Variants in NHSL1 observed in about 807,000 individuals in gnomAD.
NHSL1 encodes the protein NHS-like protein 1.
A neutral mutation model predicts 95.0 loss-of-function variants in NHSL1; 48 were observed. The observed-to-expected ratio is 0.51, with a 90% confidence interval of 0.40 to 0.64. The LOEUF (loss-of-function observed/expected upper bound fraction) is 0.64, where lower values mean the gene tolerates loss of function less well. Ranked by LOEUF, NHSL1 falls within the 30% of genes least tolerant of loss-of-function variation. The pLI, the probability that NHSL1 is intolerant of heterozygous loss-of-function variation, is 0.00. For missense variants in NHSL1, 1,971 were observed against 2,077.7 expected (o/e 0.95, Z 1.00); for synonymous variants, 783 against 833.9 (o/e 0.94, Z 1.05).
At chr6:138,648,299 A>G (rs1562401828) in intron 1 of NHSL1, among the ~76,000 whole-genome samples, 1 of 151,958 alleles carries the variant, frequency 6.6e-6, no homozygotes, top group Non-Finnish European at 1.5e-5. Flanking sequence ...ACAGCTATAG[A>G]CAATCATAAA....
chr6:138,648,352 G>GAAAAA lies in NHSL1; in HGVS notation c.96+44119_96+44123dup, dbSNP rs58429767. ...GTTTTAATAAAACTTTACGGACACT[G>GAAAAA]AAAAAAAAAAAAAAACAATGGATTG... On this transcript the variant is annotated intron_variant, in intron 1 of 3. Transcript: ENST00000491526. 6.0e-5 allele frequency among the ~76,000 whole-genome samples: 8 copies of GAAAAA among 134,048 alleles called. No individual in the cohort carries two copies. The South Asian group carries it at 1.4e-3, about 24-fold the overall frequency. The allele number at this position is 134,048 out of a possible 152,430, so 87.9% of individuals were successfully genotyped here.
At chr6:138,683,538 A>C (rs1262161732) in intron 1 of NHSL1, among the ~76,000 whole-genome samples, 3 of 152,252 alleles carry the variant, frequency 2.0e-5, no homozygotes, top group African/African-American at 7.2e-5. Flanking sequence ...AGAGGTTTCT[A>C]AACAAAGAGA....
At chr6:138,603,664 T>C (rs762253695) in intron 1 of NHSL1, among the ~76,000 whole-genome samples, 2 of 152,202 alleles carry the variant, frequency 1.3e-5, no homozygotes, top group African/African-American at 2.4e-5. Flanking sequence ...CAGACTTATT[T>C]TAGTCCAAAC....
chr6:138,626,893 CAAAAAAAA>C (rs71009593), intron 1 of NHSL1, among the ~76,000 whole-genome samples: 5 of 7,772 alleles, frequency 6.4e-4, no homozygotes, highest in African/African-American at 1.7e-3. Flanking sequence ...GACTCCGTCT[CAAAAAAAA>C]AAAAAAAAAA....
chr6:138,626,439 T>G (rs577899793), intron 1 of NHSL1, among the ~76,000 whole-genome samples: 2 of 152,358 alleles, frequency 1.3e-5, no homozygotes, highest in Admixed American at 6.5e-5. Context: ...GACTTTTCTC[T>G]GTGACGGCAT....
chr6:138,638,419 T>C (rs918773161), intron 1 of NHSL1, among the ~76,000 whole-genome samples: 11 of 152,160 alleles, frequency 7.2e-5, no homozygotes, highest in African/African-American at 2.7e-4. Flanking sequence ...TTATTATGCA[T>C]AGCATGCCTG....
chr6:138,611,695 G>A (rs939348695), intron 1 of NHSL1, among the ~76,000 whole-genome samples: 11 of 151,724 alleles, frequency 7.3e-5, no homozygotes, highest in Non-Finnish European at 1.5e-5. Flanking sequence ...GCAGTGAGCT[G>A]AGATCACGCC....
At chr6:138,500,361 A>G (rs1165331837), upstream of NHSL1, among the ~76,000 whole-genome samples, 2 of 152,244 alleles carry the variant, frequency 1.3e-5, no homozygotes, top group African/African-American at 4.8e-5. Flanking sequence ...GAGAAATCAG[A>G]AACAGAGTAT....
chr6:138,513,168 A>G (rs1326573854), intron 1 of NHSL1, among the ~76,000 whole-genome samples: 1 of 152,232 alleles, frequency 6.6e-6, no homozygotes, highest in Non-Finnish European at 1.5e-5. Flanking sequence ...CTGTTGTGAA[A>G]ATGGATACAA....
intron 1 of NHSL1, among the ~76,000 whole-genome samples, chr6:138,606,063 G>A (rs1401111135): frequency 2.0e-5 from 3 of 151,948 alleles, no homozygotes; most frequent in African/African-American, 4.8e-5. Context: ...TGGATGAAGG[G>A]GCTTCACAAA....
chr6:138,469,428 G>T (rs987386068), intron 3 of NHSL1, among the ~76,000 whole-genome samples: 1 of 152,088 alleles, frequency 6.6e-6, no homozygotes, highest in African/African-American at 2.4e-5. Context: ...ACTTTATATA[G>T]TTAAGAAGAA....
chr6:138,622,591 A>G (rs1784680768), intron 1 of NHSL1, among the ~76,000 whole-genome samples: 1 of 152,208 alleles, frequency 6.6e-6, no homozygotes, highest in Non-Finnish European at 1.5e-5. Flanking sequence ...GCAAGTATGG[A>G]CCAAAGATAA....
intron 1 of NHSL1, among the ~76,000 whole-genome samples, chr6:138,562,401 C>T (rs934904876): frequency 7.2e-5 from 11 of 152,114 alleles, no homozygotes; most frequent in Non-Finnish European, 1.3e-4. Flanking sequence ...AATCCCAGCA[C>T]TTTGGGAGGC....
At chr6:138,445,327 C>T (rs969711969) in intron 4 of NHSL1, among the ~76,000 whole-genome samples, 2 of 152,062 alleles carry the variant, frequency 1.3e-5, no homozygotes, top group Admixed American at 6.5e-5. Flanking sequence ...TAATGTAATT[C>T]ATTTTCTTAT....
chr6:138,526,302 G>A (rs924045603), intron 1 of NHSL1, among the ~76,000 whole-genome samples: 2 of 152,092 alleles, frequency 1.3e-5, no homozygotes, highest in African/African-American at 4.8e-5. Context: ...GGGCAACATG[G>A]CAAACCTCTG....
At chr6:138,475,335 A>G (rs963639976) in intron 2 of NHSL1, among the ~76,000 whole-genome samples, 1 of 151,876 alleles carries the variant, frequency 6.6e-6, no homozygotes, top group African/African-American at 2.4e-5. Context: ...TGATCCTGCC[A>G]CCTCAGCTTC....
intron 3 of NHSL1, among the ~76,000 whole-genome samples, chr6:138,457,912 G>T (rs1777723163): frequency 6.6e-6 from 1 of 151,724 alleles, no homozygotes; most frequent in African/African-American, 2.4e-5. Flanking sequence ...GGAGGCTGAG[G>T]CAGGAGAATC....
intron 5 of NHSL1, 36 bp downstream of exon 5, chr6:138,441,947 T>C: frequency 2.0e-6 from 3 of 1,528,766 alleles, no homozygotes; most frequent in Non-Finnish European, 2.6e-6. Flanking sequence ...CGAGCAGCAG[T>C]GAAGGGCAAC....
intron 2 of NHSL1, among the ~76,000 whole-genome samples, chr6:138,487,190 G>A (rs1779782030): frequency 1.3e-5 from 2 of 152,146 alleles, no homozygotes; most frequent in Non-Finnish European, 1.5e-5. Flanking sequence ...GATGAGATGA[G>A]ACAAACAGGC....
Sources: gnomAD v4.1 joint callset for allele counts (sites outside exome capture counted in the v4.1 genomes callset) on GRCh38, gnomAD v4.1.1 for gene constraint, MANE v1.5 for transcripts, NCBI Gene and HGNC (gene_info 2026-07-23, HGNC 2026-07-21) for gene names.